The following ANKS1B variants were observed in gnomAD, a reference collection of about 807,000 sequenced individuals.
ANKS1B encodes ankyrin repeat and sterile alpha motif domain containing 1B.
A neutral mutation model predicts 148.3 loss-of-function variants in ANKS1B; 36 were observed. The ratio of observed to expected loss-of-function variants is 0.24; its 90% confidence interval spans 0.19 to 0.32. The LOEUF (loss-of-function observed/expected upper bound fraction) is 0.32. ANKS1B is among the 10% of genes least tolerant of loss of function. The probability of loss-of-function intolerance (pLI) is 1.00; values close to 1 mark genes in which losing one functional copy is unlikely to be tolerated. For synonymous variants in ANKS1B, 542 were observed against 560.8 expected, an observed-to-expected ratio of 0.97 and a Z score of 0.47; for missense variants, 1,157 against 1,542.6, an observed-to-expected ratio of 0.75 and a Z score of 4.19.
intron 1 of ANKS1B, among the ~76,000 whole-genome samples, chr12:99,836,754 C>A (rs1435768819): frequency 6.6e-6 from 1 of 152,192 alleles, no homozygotes; most frequent in East Asian, 1.9e-4. Flanking sequence ...TTCCTCCCAG[C>A]CCATATTTTC....
chr12:99,690,960 C>A (rs2098676053), intron 8 of ANKS1B, among the ~76,000 whole-genome samples: 1 of 151,470 alleles, frequency 6.6e-6, no homozygotes. Context: ...GCATGGACAT[C>A]CAGGCATTTC....
chr12:99,641,839 TA>T (rs2098310308), intron 9 of ANKS1B, among the ~76,000 whole-genome samples: 1 of 152,140 alleles, frequency 6.6e-6, no homozygotes, highest in South Asian at 2.1e-4. Context: ...TTATTGTTGC[TA>T]AAAGAAGCTA....
intron 1 of ANKS1B, among the ~76,000 whole-genome samples, chr12:99,887,543 A>G (rs904388309): frequency 6.6e-6 from 1 of 152,196 alleles, no homozygotes; most frequent in African/African-American, 2.4e-5. Flanking sequence ...GAATAATAGA[A>G]GACATGTGGA....
chr12:98,967,731 AT>A lies in ANKS1B; in HGVS notation c.2778+85425del, dbSNP rs1445661844. Among the ~76,000 whole-genome samples, 6 of 144,250 alleles carry A rather than the reference AT, an allele frequency of 4.2e-5. No individual in the cohort carries two copies. In the East Asian group the frequency reaches 1.3e-3, roughly 31 times the overall value. 94.6% of individuals were successfully genotyped at this position (144,250 alleles called of 152,430 possible). On this transcript the variant is annotated intron_variant, in intron 17 of 26. Transcript: ENST00000683438. ...AAGAGATCAGCCAATAAAAAGGTAGATTTTGGAGACAGACAAATCTAAAAAA... is the reference window on the plus strand; with the variant it reads ...AAGAGATCAGCCAATAAAAAGGTAGATTTGGAGACAGACAAATCTAAAAAA...
chr12:98,932,725 T>C (rs547308244), intron 17 of ANKS1B, among the ~76,000 whole-genome samples: 68 of 152,262 alleles, frequency 4.5e-4, no homozygotes, highest in African/African-American at 1.5e-3. Context: ...ACCAGAAAGG[T>C]CTACATGGTC....
chr12:99,443,632 A>C, intron 11 of ANKS1B, 41 bp downstream of exon 11: 1 of 1,605,584 alleles, frequency 6.2e-7, no homozygotes, highest in Non-Finnish European at 8.5e-7. Context: ...ATTCAAATCA[A>C]AACACATTAG....
At chr12:99,397,451 A>T (rs766907975) in intron 12 of ANKS1B, among the ~76,000 whole-genome samples, 42 of 152,172 alleles carry the variant, frequency 2.8e-4, no homozygotes, top group Non-Finnish European at 7.4e-5. Flanking sequence ...TTCTAGAAAG[A>T]CGACAAGAAA....
At chr12:99,007,467 T>C (rs1298406181) in intron 17 of ANKS1B, among the ~76,000 whole-genome samples, 7 of 152,220 alleles carry the variant, frequency 4.6e-5, no homozygotes, top group African/African-American at 7.2e-5. Context: ...GACATATTTT[T>C]ATCTCTAGTC....
intron 10 of ANKS1B, among the ~76,000 whole-genome samples, chr12:99,455,267 G>C (rs919002418): frequency 1.3e-5 from 2 of 152,138 alleles, no homozygotes; most frequent in Admixed American, 1.3e-4. Context: ...CTCTATGAAA[G>C]GAAGTTAGAA....
rs2092853619 is a variant in ANKS1B at position 99,886,959 on chromosome 12, C to A, written c.135-61570G>T. Among the ~76,000 whole-genome samples, 3 of 152,174 alleles carry A rather than the reference C, an allele frequency of 2.0e-5. No individual in the cohort carries two copies. In the South Asian group the frequency reaches 6.2e-4, roughly 31 times the overall value. On this transcript the variant is annotated intron_variant, in intron 1 of 26. Transcript: ENST00000683438. ...GTAAAAATTCCTCTAGAACAACCAG[C>A]AACATTAATAATTAGTTGGAACTCA...
chr12:99,976,822 T>C lies in ANKS1B; in HGVS notation c.134+7282A>G. Among the ~76,000 whole-genome samples the C allele has an allele frequency of 1.3e-5, 2 of 152,244 alleles. 1 individual carries two copies. Among genetic ancestry groups the C allele is most frequent in the Non-Finnish European group, 2.9e-5 (2 of 68,046 alleles). On this transcript the variant is annotated intron_variant, in intron 1 of 26. Coordinates refer to ENST00000683438, the MANE Select transcript of ANKS1B (RefSeq NM_001352186.2). ...AAACAGAGTGTCTTAGTCTATTTTGTGTTCCTATAAGAGAGTACCTGAGAC... is the reference window on the plus strand; with the variant it reads ...AAACAGAGTGTCTTAGTCTATTTTGCGTTCCTATAAGAGAGTACCTGAGAC...
At chr12:98,924,494 TA>T (rs1335936305) in intron 17 of ANKS1B, among the ~76,000 whole-genome samples, 2 of 152,224 alleles carry the variant, frequency 1.3e-5, no homozygotes, top group African/African-American at 4.8e-5. Flanking sequence ...GATTTGACTT[TA>T]GGAAACCAAA....
chr12:99,194,686 G>A (rs920549818), intron 14 of ANKS1B, among the ~76,000 whole-genome samples: 2 of 152,110 alleles, frequency 1.3e-5, no homozygotes, highest in Non-Finnish European at 2.9e-5. Flanking sequence ...GACATCAAGT[G>A]GGTCTTGGAT....
intron 8 of ANKS1B, among the ~76,000 whole-genome samples, chr12:99,734,717 C>G (rs995051241): frequency 6.6e-6 from 1 of 152,160 alleles, no homozygotes; most frequent in Non-Finnish European, 1.5e-5. Flanking sequence ...TATCAGCTAT[C>G]TTTACTTTTT....
In ANKS1B at chr12:99,504,416, C is replaced by A; in HGVS notation, c.1438+60G>T. The A allele has an allele frequency of 3.3e-6, 5 of 1,516,776 alleles. No homozygotes were observed. The South Asian group carries it at 6.2e-5, about 19-fold the overall frequency. 94.0% of individuals were successfully genotyped at this position (1,516,776 alleles called of 1,614,324 possible). A position where few individuals can be genotyped will look rare whatever the true frequency, so the allele number is the denominator to read the frequency against. On this transcript the variant is annotated intron_variant, in intron 10 of 26. Coordinates refer to ENST00000683438, the MANE Select transcript of ANKS1B (RefSeq NM_001352186.2). ...GTAGGAAACCAAAATGTTAATGATGCATCTTCATATGAATAAGCAAGTAAA... is the reference window on the plus strand; with the variant it reads ...GTAGGAAACCAAAATGTTAATGATGAATCTTCATATGAATAAGCAAGTAAA...
At chr12:99,399,999 T>C (rs1354756361) in intron 11 of ANKS1B, among the ~76,000 whole-genome samples, 188 bp from the exon 12 acceptor site, 1 of 152,160 alleles carries the variant, frequency 6.6e-6, no homozygotes, top group Admixed American at 6.5e-5. Flanking sequence ...AAAAATTATT[T>C]AATGAGAAAA....
At chr12:99,587,997 C>T (rs759084060) in intron 9 of ANKS1B, among the ~76,000 whole-genome samples, 10 of 151,880 alleles carry the variant, frequency 6.6e-5, no homozygotes, top group South Asian at 2.1e-4. Flanking sequence ...CCTAGATGTA[C>T]GAGTTACATT....
At chr12:99,378,669 A>AAG (rs1566987876) in intron 12 of ANKS1B, among the ~76,000 whole-genome samples, 1 of 133,836 alleles carries the variant, frequency 7.5e-6, no homozygotes, top group East Asian at 2.2e-4. Flanking sequence ...AAAAAAAAAA[A>AAG]AAAAGAAAAA....
Position 99,711,101 on chromosome 12 carries a change from T to G in ANKS1B, c.1129-55891A>C, listed in dbSNP as rs536164480. ...GCTCTGATTGGATTTGTATCTATAATAAATCAAAAAGAGGTCAACTAAGAA... is the reference window on the plus strand; with the variant it reads ...GCTCTGATTGGATTTGTATCTATAAGAAATCAAAAAGAGGTCAACTAAGAA... On this transcript the variant is annotated intron_variant, in intron 8 of 26. Transcript: ENST00000683438. Among the ~76,000 whole-genome samples the G allele has an allele frequency of 4.2e-4, 64 of 152,142 alleles. 3 individuals are homozygous for G. In the South Asian group the frequency reaches 0.013, roughly 32 times the overall value.
Sources: allele counts gnomAD v4.1 joint callset (sites outside exome capture counted in the v4.1 genomes callset), GRCh38; gene constraint gnomAD v4.1.1; transcripts MANE v1.5; gene names NCBI Gene and HGNC (gene_info 2026-07-23, HGNC 2026-07-21).